SOX13: variants seen among roughly 807,000 people sequenced by gnomAD.
The protein encoded by SOX13 is transcription factor SOX-13.
A neutral mutation model predicts 71.8 loss-of-function variants in SOX13; 28 were observed. The observed-to-expected ratio is 0.39, with a 90% CI of 0.29 to 0.53. The LOEUF is 0.53. Among genes scored for constraint, SOX13 ranks in the 20% least tolerant of loss-of-function variants. The pLI is 0.70. For synonymous variants in SOX13, 309 were observed against 317.8 expected, an observed-to-expected ratio of 0.97 and a Z score of 0.29; for missense variants, 627 against 810.3, an observed-to-expected ratio of 0.77 and a Z score of 2.75.
At chr1:204,077,404 A>T (rs2102217296) in intron 1 of SOX13, among the ~76,000 whole-genome samples, 1 of 152,284 alleles carries the variant, frequency 6.6e-6, no homozygotes, top group East Asian at 1.9e-4. Context: ...GCCCCAAGGG[A>T]GGGAAATGGT....
intron 1 of SOX13, among the ~76,000 whole-genome samples, chr1:204,102,345 A>G (rs891083450): frequency 2.0e-5 from 3 of 152,186 alleles, no homozygotes; most frequent in African/African-American, 7.2e-5. Flanking sequence ...GCAAGGGTTA[A>G]TGATATAGCA....
chr1:204,085,740 C>T lies in SOX13; in HGVS notation c.-2+12029C>T, dbSNP rs1005984823. On this transcript the variant is annotated intron_variant, in intron 1 of 13. Transcript: ENST00000367204. ...CTGTAATCCCAGCACTTTGGGAGGC[C>T]GAGGCAGGTGGGTCACGAGGTCAGG... Among the ~76,000 whole-genome samples, 6 of 151,498 alleles carry T rather than the reference C, an allele frequency of 4.0e-5. No homozygotes were observed. The East Asian group carries it at 5.8e-4, about 15-fold the overall frequency.
intron 2 of SOX13, 40 bp from the exon 3 acceptor site, chr1:204,114,281 T>A (rs1382940118): frequency 7.2e-7 from 1 of 1,398,126 alleles, no homozygotes; most frequent in Admixed American, 2.0e-5. Flanking sequence ...CCTGTCCCCT[T>A]CTCTTGGGGG....
At chr1:204,076,452 C>G (rs1432050665) in intron 1 of SOX13, among the ~76,000 whole-genome samples, 1 of 152,148 alleles carries the variant, frequency 6.6e-6, no homozygotes, top group African/African-American at 2.4e-5. Context: ...AGCACAGCTG[C>G]TTGGGTAGAC....
chr1:204,105,411 C>CTTTT (rs79931632), intron 1 of SOX13, among the ~76,000 whole-genome samples: 7 of 75,044 alleles, frequency 9.3e-5, no homozygotes, highest in South Asian at 3.5e-4. Context: ...TCTGTATAAT[C>CTTTT]TCTTTTTTTT....
At chr1:204,110,141 C>A (rs947503213) in intron 1 of SOX13, among the ~76,000 whole-genome samples, 4 of 151,390 alleles carry the variant, frequency 2.6e-5, no homozygotes, top group Admixed American at 6.6e-5. Context: ...CAGTTGTTAT[C>A]ATTTCTGAGA....
rs1029582584 is a variant in SOX13, at chr1:204,073,741, G to C, written c.-2+30G>C. The C allele has an allele frequency of 2.0e-5, 3 of 152,346 alleles. No individual in the cohort carries two copies. Among genetic ancestry groups the C allele is most frequent in the African/African-American group, 4.8e-5 (2 of 41,460 alleles). The allele number at this position is 152,346 out of a possible 1,614,324, so 9.4% of individuals were successfully genotyped here. A position where few individuals can be genotyped will look rare whatever the true frequency, so the allele number is the denominator to read the frequency against. ...GTGCACCCCTCCCCGCCATGATCGC[G>C]CCGTCGCGCCCATTTCCCCAGCTCT... On this transcript the variant is annotated intron_variant, in intron 1 of 13. Coordinates refer to ENST00000367204, the MANE Select transcript of SOX13 (RefSeq NM_005686.3). The surrounding 1 kb of genome is among the most constrained non-coding windows in gnomAD (Gnocchi z 6.8).
At chr1:204,086,345 C>A (rs1393324774) in intron 1 of SOX13, among the ~76,000 whole-genome samples, 1 of 152,068 alleles carries the variant, frequency 6.6e-6, no homozygotes, top group Non-Finnish European at 1.5e-5. Flanking sequence ...GCTGTGTCGC[C>A]CAGGCTGGAA....
At chr1:204,080,827 T>C (rs1229143052) in intron 1 of SOX13, among the ~76,000 whole-genome samples, 1 of 151,798 alleles carries the variant, frequency 6.6e-6, no homozygotes, top group Non-Finnish European at 1.5e-5. Context: ...GGGCAGGTGC[T>C]GAGTTAGAGA....
chr1:204,086,876 T>C (rs1656032896), intron 1 of SOX13, among the ~76,000 whole-genome samples: 2 of 151,984 alleles, frequency 1.3e-5, no homozygotes. Flanking sequence ...GAAGCCTGTC[T>C]GGGCCTTGGT....
intron 1 of SOX13, among the ~76,000 whole-genome samples, chr1:204,112,384 T>G (rs1656595495): frequency 1.3e-5 from 2 of 151,154 alleles, no homozygotes; most frequent in South Asian, 4.2e-4. Context: ...GAGGTTGCAG[T>G]GAGCCGAGAT....
intron 13 of SOX13, among the ~76,000 whole-genome samples, chr1:204,125,091 C>T (rs114993008): frequency 1.7e-3 from 253 of 152,234 alleles, no homozygotes; most frequent in African/African-American, 5.8e-3. Flanking sequence ...AGGAATGTGA[C>T]TGGAGGACTG....
rs1263741753 is a variant in SOX13 at position 204,125,913 on chromosome 1, G to A, written c.1648G>A (p.Ala550Thr). The A allele has an allele frequency of 6.2e-7, 1 of 1,613,230 alleles. No homozygotes were observed. The highest frequency in any genetic ancestry group is 8.5e-7 in the Non-Finnish European group (1 of 1,179,742). ...SSSDVLYPRA[A>T]GMPLAQPLVE... ...CTCAGATGTCCTGTACCCTCGGGCAGCAGGCATGCCGCTGGCACAGCCACT... is the reference window on the plus strand; with the variant it reads ...CTCAGATGTCCTGTACCCTCGGGCAACAGGCATGCCGCTGGCACAGCCACT... The change falls in exon 14 of 14, where the codon GCA (alanine) becomes ACA (threonine). Residue 550 changes from alanine (A) to threonine (T), a missense_variant. Ala to Thr is a moderately conservative substitution (Grantham distance 58). Coordinates refer to ENST00000367204, the MANE Select transcript of SOX13 (RefSeq NM_005686.3).
intron 1 of SOX13, among the ~76,000 whole-genome samples, chr1:204,077,171 A>G (rs1402907189): frequency 6.6e-6 from 1 of 152,200 alleles, no homozygotes; most frequent in Non-Finnish European, 1.5e-5. Context: ...TAGAGGGAAT[A>G]GCAAATGAAA....
chr1:204,105,849 G>A (rs1231120377), intron 1 of SOX13, among the ~76,000 whole-genome samples: 2 of 152,140 alleles, frequency 1.3e-5, no homozygotes, highest in South Asian at 2.1e-4. Flanking sequence ...AGGGGCTGAC[G>A]GGCTACCCTG....
chr1:204,091,768 G>A (rs1248460518), intron 1 of SOX13, among the ~76,000 whole-genome samples: 1 of 151,798 alleles, frequency 6.6e-6, no homozygotes, highest in Non-Finnish European at 1.5e-5. Flanking sequence ...TTGTGTTTTA[G>A]ATGGGGGTCT....
chr1:204,093,892 G>A (rs1337067440), intron 1 of SOX13, among the ~76,000 whole-genome samples: 1 of 152,148 alleles, frequency 6.6e-6, no homozygotes, highest in African/African-American at 2.4e-5. Flanking sequence ...GCTACAACTC[G>A]AACATGGAAA....
chr1:204,116,975 T>C, intron 5 of SOX13, 147 bp from the exon 6 acceptor site: 1 of 848,630 alleles, frequency 1.2e-6, no homozygotes, highest in Middle Eastern at 2.8e-4. Context: ...GGAGAACCAA[T>C]TCTGAGGGCT....
In SOX13 at chr1:204,112,307, G is replaced by A. The variant is rs530723880; in HGVS notation, c.-1-608G>A. Among the ~76,000 whole-genome samples, 9 of 152,238 alleles carry A rather than the reference G, an allele frequency of 5.9e-5. No homozygotes were observed. In the East Asian group the frequency reaches 1.7e-3, roughly 29 times the overall value. On this transcript the variant is annotated intron_variant, in intron 1 of 13. Coordinates refer to ENST00000367204, the MANE Select transcript of SOX13 (RefSeq NM_005686.3). ...AATACAAATATTAGTTGGGGGTGGT[G>A]GCGTGTGCCTGTAATTCCAGCTACT...
Sources: gnomAD v4.1 joint callset for allele counts (sites outside exome capture counted in the v4.1 genomes callset) on GRCh38, gnomAD v4.1.1 for gene constraint, Gnocchi (gnomAD v3.1) non-coding constraint, MANE v1.5 for transcripts, NCBI Gene and HGNC (gene_info 2026-07-23, HGNC 2026-07-21) for gene names.